SPDYE4: variants seen among roughly 807,000 people sequenced by gnomAD.
SPDYE4 encodes speedy/RINGO cell cycle regulator family member E4.
In SPDYE4, 30 loss-of-function variants were observed where a neutral mutation model predicts 37.5. That is an observed-to-expected ratio of 0.80 (90% CI 0.60 to 1.09). The LOEUF is 1.09. Ranked by LOEUF, SPDYE4 falls within the 50% of genes least tolerant of loss-of-function variation. The probability of loss-of-function intolerance (pLI) is 0.00; values close to 1 mark genes in which losing one functional copy is unlikely to be tolerated. For synonymous variants in SPDYE4, 131 were observed against 120.3 expected (o/e 1.09, Z -0.58); for missense variants, 300 against 307.9 (o/e 0.97, Z 0.19).
intron 6 of SPDYE4, among the ~76,000 whole-genome samples, chr17:8,752,490 C>G (rs1228684914): frequency 6.6e-6 from 1 of 152,188 alleles, no homozygotes; most frequent in East Asian, 1.9e-4. Context: ...ATAGCAAGGA[C>G]TTTGGGTGGC....
downstream of SPDYE4, among the ~76,000 whole-genome samples, chr17:8,749,561 A>G (rs945715125): frequency 1.3e-5 from 2 of 151,172 alleles, no homozygotes; most frequent in African/African-American, 4.9e-5. Context: ...CCACCGTGCC[A>G]GGCCCAGTTT....
rs1460616691 is a variant in SPDYE4 at position 8,753,128 on chromosome 17, C to T, written c.*10G>A. On this transcript the variant is annotated 3_prime_UTR_variant, in exon 6 of 7. Transcript: ENST00000689094. ...GGCCGATGACCTCAGGCCTCCATGT[C>T]CCCGGAGCTCTAGGAAATGAGGGTG... 1.2e-6 allele frequency: 2 copies of T among 1,614,036 alleles called. No homozygotes were observed. The highest frequency in any genetic ancestry group is 8.5e-7 in the Non-Finnish European group (1 of 1,179,984).
downstream of SPDYE4, among the ~76,000 whole-genome samples, chr17:8,748,354 A>G (rs1202027608): frequency 2.0e-5 from 3 of 152,250 alleles, no homozygotes; most frequent in Admixed American, 2.0e-4. Flanking sequence ...GCAAACCAGC[A>G]AGCTGACTTT....
intron 3 of SPDYE4, among the ~76,000 whole-genome samples, chr17:8,755,872 C>T (rs913432158): frequency 1.3e-5 from 2 of 152,084 alleles, no homozygotes; most frequent in Middle Eastern, 3.4e-3. Context: ...TCTAGGGCTG[C>T]TAATGTCAGG....
Position 8,758,362 on chromosome 17 carries a change from G to A in SPDYE4, c.21C>T (p.Arg7=). The change falls in exon 1 of 7, where the codon CGC becomes CGT. Residue 7 remains arginine (R), a synonymous_variant. Coordinates refer to ENST00000689094, the MANE Select transcript of SPDYE4 (RefSeq NM_001394956.1). ...GGGGGCTCTCCTCCTCAAACGGGGG[G>A]CGCGCTTGACCACTGGCCATAATCT... MASGQA[R]PPFEEESPQP... The A allele has an allele frequency of 1.9e-6, 3 of 1,551,110 alleles. No individual in the cohort carries two copies. Among genetic ancestry groups the A allele is most frequent in the Non-Finnish European group, 2.6e-6 (3 of 1,146,706 alleles).
At chr17:8,756,244 G>A (rs899116027) in intron 3 of SPDYE4, 134 bp downstream of exon 3, 5 of 796,510 alleles carry the variant, frequency 6.3e-6, no homozygotes, top group African/African-American at 5.1e-5. Context: ...CAAAATGTGG[G>A]CGCCCAAGAG....
intron 4 of SPDYE4, among the ~76,000 whole-genome samples, chr17:8,754,882 G>A (rs1033031720): frequency 1.1e-4 from 16 of 152,200 alleles, no homozygotes; most frequent in African/African-American, 3.9e-4. Flanking sequence ...AGTGGCGAAA[G>A]CAAACAAGGA....
chr17:8,754,940 G>T (rs752404773), intron 4 of SPDYE4, among the ~76,000 whole-genome samples: 2 of 152,192 alleles, frequency 1.3e-5, no homozygotes, highest in Non-Finnish European at 2.9e-5. Context: ...CTGCAGAGAG[G>T]GTTGAATTAG....
In SPDYE4 at chr17:8,758,400, T is replaced by A. The variant is rs1364439392; in HGVS notation, c.-18A>T. ...CTGGCCATAATCTCTCCCAAACACT[T>A]TGTTTCTGTCCACAAAACCTAGTCC... On this transcript the variant is annotated 5_prime_UTR_variant, in exon 1 of 7. Coordinates refer to ENST00000689094, the MANE Select transcript of SPDYE4 (RefSeq NM_001394956.1). 6.5e-7 allele frequency: 1 copy of A among 1,548,474 alleles called. No homozygotes were observed. Among genetic ancestry groups the A allele is most frequent in the Admixed American group, 2.0e-5 (1 of 50,988 alleles).
intron 1 of SPDYE4, 76 bp from the exon 2 acceptor site, chr17:8,757,568 A>G: frequency 1.4e-6 from 2 of 1,438,024 alleles, no homozygotes; most frequent in South Asian, 2.6e-5. Context: ...AGGAACCTCA[A>G]ACTACTCTTC....
In SPDYE4 at chr17:8,757,420, G is replaced by T. The variant is rs760416609; in HGVS notation, c.182C>A (p.Ser61Tyr). 6.3e-7 allele frequency: 1 copy of T among 1,593,392 alleles called. No homozygotes were observed. The highest frequency in any genetic ancestry group is 1.8e-5 in the Admixed American group (1 of 55,682). Residue 61 changes from serine (S) to tyrosine (Y), a missense_variant, in exon 2 of 7, where the codon TCC (serine) becomes TAC (tyrosine). Ser to Tyr is a moderately radical substitution (Grantham distance 144). Transcript: ENST00000689094. ...CAGCTCCTCCTCCAGCTCCTCCTCG[G>T]ATTCGTCTGACCATTCGCTCTTCCT... ...LKRKSEWSDE[S>Y]EEELEEELEL...
chr17:8,755,642 G>T (rs753341030), intron 3 of SPDYE4, 37 bp from the exon 4 acceptor site: 1 of 1,603,386 alleles, frequency 6.2e-7, no homozygotes, highest in Non-Finnish European at 8.5e-7. Context: ...GAGAAAGGTT[G>T]GTCACATCCT....
At chr17:8,748,686 T>C (rs9899561), downstream of SPDYE4, among the ~76,000 whole-genome samples, 8,388 of 152,324 alleles carry the variant, frequency 0.055, 668 homozygotes, top group African/African-American at 0.18. Context: ...TTTCTTCTTC[T>C]GTGAGTCTCC....
At chr17:8,758,192 G>A in intron 1 of SPDYE4, 82 bp downstream of exon 1, 1 of 1,183,282 alleles carries the variant, frequency 8.5e-7, no homozygotes, top group Non-Finnish European at 1.2e-6. Context: ...CCCTACTCAG[G>A]TGCTTCAGAT....
chr17:8,755,298 G>A (rs980731715), intron 4 of SPDYE4: 3 of 528,794 alleles, frequency 5.7e-6, no homozygotes, highest in African/African-American at 3.9e-5. Flanking sequence ...CCCTTAGGAC[G>A]GGTTTATGTT....
rs2086729977 is a variant in SPDYE4, at chr17:8,751,764, C to G, written c.*518G>C. On this transcript the variant is annotated 3_prime_UTR_variant, in exon 7 of 7. Coordinates refer to ENST00000689094, the MANE Select transcript of SPDYE4 (RefSeq NM_001394956.1). ...ATTTTAAATCAACCTAGTAATAATT[C>G]TATGGCCAACATTTGAAAAATAAAC... Among the ~76,000 whole-genome samples the G allele has an allele frequency of 1.3e-5, 2 of 152,208 alleles. No homozygotes were observed. Among genetic ancestry groups the G allele is most frequent in the Admixed American group, 1.3e-4 (2 of 15,272 alleles).
chr17:8,756,773 G>T (rs2086776171), intron 2 of SPDYE4, among the ~76,000 whole-genome samples: 1 of 152,192 alleles, frequency 6.6e-6, no homozygotes, highest in Non-Finnish European at 1.5e-5. Context: ...GTCACAGCTG[G>T]GTGTGCCCAT....
intron 5 of SPDYE4, 41 bp downstream of exon 5, chr17:8,753,280 C>CCACCCCCCCCCCCCCCCCCCCCCCCAA: frequency 7.3e-7 from 1 of 1,367,656 alleles, no homozygotes; most frequent in Non-Finnish European, 9.9e-7. Context: ...CAGTCCACCC[C>CCACCCCCCCCCCCCCCCCCCCCCCCAA]ATCCCTCCCC....
At chr17:8,757,234 G>A (rs773932144) in intron 2 of SPDYE4, 28 bp downstream of exon 2, 5 of 1,575,546 alleles carry the variant, frequency 3.2e-6, no homozygotes, top group Non-Finnish European at 4.3e-6. Context: ...GAACAGGGTT[G>A]GAGGTGCTTT....
Sources: gnomAD v4.1 joint callset for allele counts (sites outside exome capture counted in the v4.1 genomes callset) on GRCh38, gnomAD v4.1.1 for gene constraint, MANE v1.5 for transcripts, NCBI Gene and HGNC (gene_info 2026-07-23, HGNC 2026-07-21) for gene names.